ZFHX3: variants seen among roughly 807,000 people sequenced by gnomAD.
ZFHX3 encodes the protein zinc finger homeobox protein 3.
A neutral mutation model predicts 279.1 loss-of-function variants in ZFHX3; 42 were observed. The observed-to-expected ratio is 0.15, with a 90% CI of 0.12 to 0.19. ZFHX3 has a LOEUF of 0.19. Ranked by LOEUF, ZFHX3 falls within the 10% of genes least tolerant of loss-of-function variation. The pLI, the probability that ZFHX3 is intolerant of heterozygous loss-of-function variation, is 1.00. For missense variants in ZFHX3, 4,981 were observed against 4,754.0 expected (o/e 1.05, Z -1.40); for synonymous variants, 2,293 against 1,957.8 (o/e 1.17, Z -4.52).
At chr16:72,903,463 G>A (rs2039090368) in intron 3 of ZFHX3, among the ~76,000 whole-genome samples, 1 of 152,196 alleles carries the variant, frequency 6.6e-6, no homozygotes, top group African/African-American at 2.4e-5. Flanking sequence ...CAGGCTTCTA[G>A]TAGGGATAAC....
chr16:72,846,033 T>G (rs1336518235), intron 4 of ZFHX3, among the ~76,000 whole-genome samples: 1 of 152,038 alleles, frequency 6.6e-6, no homozygotes, highest in Non-Finnish European at 1.5e-5. Flanking sequence ...CGCCCACCCA[T>G]CACATATCCA....
At chr16:73,792,857 C>CG (rs1555501992) in intron 1 of ZFHX3, among the ~76,000 whole-genome samples, 2 of 46,074 alleles carry the variant, frequency 4.3e-5, no homozygotes, top group Non-Finnish European at 9.0e-5. Context: ...ATACAGTGCA[C>CG]CCCCCCCCTC....
rs374940042 is a variant in ZFHX3 at position 73,007,928 on chromosome 16, T to G, written c.-50+39824A>C. Reference sequence around the variant, plus strand: ...CAACTTACATTTGTTACACTTTTTCTATCATATCAATTCCTTTTTAGTTTT... The same window carrying G: ...CAACTTACATTTGTTACACTTTTTCGATCATATCAATTCCTTTTTAGTTTT... On this transcript the variant is annotated intron_variant, in intron 1 of 9. Coordinates refer to ENST00000268489, the MANE Select transcript of ZFHX3 (RefSeq NM_006885.4). Among the ~76,000 whole-genome samples, 13 of 152,344 alleles carry G rather than the reference T, an allele frequency of 8.5e-5. No homozygotes were observed. The South Asian group carries it at 2.7e-3, about 32-fold the overall frequency.
intron 5 of ZFHX3, among the ~76,000 whole-genome samples, chr16:73,212,091 TC>T: frequency 6.6e-6 from 1 of 152,174 alleles, no homozygotes; most frequent in Admixed American, 6.5e-5. Flanking sequence ...TCTCTCTCTC[TC>T]TTTTTAAAGA....
chr16:73,493,186 C>T (rs1311581372), intron 2 of ZFHX3, among the ~76,000 whole-genome samples: 1 of 152,106 alleles, frequency 6.6e-6, no homozygotes, highest in Non-Finnish European at 1.5e-5. Context: ...CTGGTCTCGT[C>T]TGCTTCCAAC....
intron 3 of ZFHX3, among the ~76,000 whole-genome samples, chr16:73,346,276 G>A (rs1278434631): frequency 6.6e-6 from 1 of 152,128 alleles, no homozygotes; most frequent in Non-Finnish European, 1.5e-5. Context: ...ACCACTGAAA[G>A]CTTGTCTTTG....
intron 4 of ZFHX3, among the ~76,000 whole-genome samples, chr16:73,281,099 C>G (rs2014448168): frequency 6.7e-6 from 1 of 148,932 alleles, no homozygotes. Flanking sequence ...AAACATACAA[C>G]TGCCATGTGG....
intron 3 of ZFHX3, among the ~76,000 whole-genome samples, chr16:73,441,730 C>T (rs1320111180): frequency 6.6e-6 from 1 of 152,124 alleles, no homozygotes; most frequent in Non-Finnish European, 1.5e-5. Flanking sequence ...GGTTCAAATT[C>T]CAGCTCTGCC....
intron 2 of ZFHX3, among the ~76,000 whole-genome samples, chr16:73,594,101 G>A (rs965731443): frequency 6.6e-6 from 1 of 152,182 alleles, no homozygotes. Flanking sequence ...ATTTATATAA[G>A]ATATGATTGT....
At chr16:73,048,879 A>C (rs980903455), upstream of ZFHX3, among the ~76,000 whole-genome samples, 1 of 152,238 alleles carries the variant, frequency 6.6e-6, no homozygotes, top group Non-Finnish European at 1.5e-5. Flanking sequence ...AAAGATAGGA[A>C]GAAAAGAAGT....
At chr16:73,425,086 T>G (rs2017788251) in intron 3 of ZFHX3, among the ~76,000 whole-genome samples, 1 of 152,178 alleles carries the variant, frequency 6.6e-6, no homozygotes, top group Admixed American at 6.5e-5. Flanking sequence ...CCCTGACCAG[T>G]GCATAGCACC....
chr16:73,250,945 C>A (rs536600529), intron 5 of ZFHX3, among the ~76,000 whole-genome samples: 1 of 152,184 alleles, frequency 6.6e-6, no homozygotes, highest in Admixed American at 6.5e-5. Flanking sequence ...TACATTTCAT[C>A]TTTTACTATC....
intron 4 of ZFHX3, among the ~76,000 whole-genome samples, chr16:73,308,123 G>A (rs1247560709): frequency 2.6e-5 from 4 of 151,294 alleles, no homozygotes; most frequent in South Asian, 4.2e-4. Flanking sequence ...AATACTTGTC[G>A]GAGAGATAAG....
At chr16:73,516,464 A>G (rs966950082) in intron 2 of ZFHX3, among the ~76,000 whole-genome samples, 1 of 152,198 alleles carries the variant, frequency 6.6e-6, no homozygotes, top group Admixed American at 6.5e-5. Context: ...GATTGTTTAA[A>G]TGTTCTATAT....
At chr16:73,460,237 G>A (rs1369008367) in intron 2 of ZFHX3, among the ~76,000 whole-genome samples, 1 of 83,722 alleles carries the variant, frequency 1.2e-5, no homozygotes, top group African/African-American at 4.1e-5. Flanking sequence ...TTTGAGATTG[G>A]CTTTTTTTCA....
chr16:73,815,798 C>G (rs1328827410), intron 1 of ZFHX3: 1 of 152,162 alleles, frequency 6.6e-6, no homozygotes, highest in Non-Finnish European at 1.5e-5. Context: ...CTCCTGACCT[C>G]AGGTAATCTG....
intron 1 of ZFHX3, among the ~76,000 whole-genome samples, chr16:73,766,757 A>C (rs2053949351): frequency 6.6e-6 from 1 of 152,114 alleles, no homozygotes; most frequent in Non-Finnish European, 1.5e-5. Flanking sequence ...ATGGGTCCCC[A>C]GGAGTTGTCG....
intron 2 of ZFHX3, among the ~76,000 whole-genome samples, chr16:73,519,521 T>C (rs2019577286): frequency 6.6e-6 from 1 of 152,208 alleles, no homozygotes; most frequent in Non-Finnish European, 1.5e-5. Context: ...ATGATGTACC[T>C]TTGAGCTTTG....
intron 1 of ZFHX3, among the ~76,000 whole-genome samples, chr16:73,876,991 T>G (rs556829260): frequency 8.7e-4 from 132 of 151,078 alleles, no homozygotes; most frequent in African/African-American, 2.9e-3. Flanking sequence ...GAGTGAGAAA[T>G]CATGCTAAAT....
Sources: allele counts gnomAD v4.1 joint callset (sites outside exome capture counted in the v4.1 genomes callset), GRCh38; gene constraint gnomAD v4.1.1; transcripts MANE v1.5; gene names NCBI Gene and HGNC (gene_info 2026-07-23, HGNC 2026-07-21).